PCDH10: variants seen among roughly 807,000 people sequenced by gnomAD.
PCDH10 encodes protocadherin-10.
PCDH10 carries 15 observed loss-of-function variants against 74.4 expected under a neutral mutation model. The ratio of observed to expected loss-of-function variants is 0.20; its 90% CI spans 0.13 to 0.31. The LOEUF (loss-of-function observed/expected upper bound fraction) is 0.31. PCDH10 is among the 10% of genes least tolerant of loss of function. PCDH10 has a pLI of 1.00. For synonymous variants in PCDH10, 619 were observed against 589.8 expected, an observed-to-expected ratio of 1.05 and a Z score of -0.72; for missense variants, 1,260 against 1,390.2, an observed-to-expected ratio of 0.91 and a Z score of 1.49.
chr4:133,195,588 C>T (rs142859069), downstream of PCDH10, among the ~76,000 whole-genome samples: 56 of 151,834 alleles, frequency 3.7e-4, 1 homozygote, highest in East Asian at 2.9e-3. Flanking sequence ...TCTAACAGTG[C>T]GAGAAAGTAA....
chr4:133,154,830 A>G (rs1726829571), intron 2 of PCDH10, 87 bp from the exon 3 acceptor site: 3 of 911,486 alleles, frequency 3.3e-6, no homozygotes, highest in Admixed American at 3.8e-5. Context: ...AGTCTGCAGC[A>G]CCATCTGTGA....
chr4:133,207,277 C>A (rs756485255), intron 2 of PCDH10, among the ~76,000 whole-genome samples: 2 of 151,716 alleles, frequency 1.3e-5, no homozygotes, highest in Non-Finnish European at 2.9e-5. Context: ...GTTTATTTAC[C>A]ATATTACTCT....
At chr4:133,156,390 C>A (rs1449022793) in intron 3 of PCDH10, among the ~76,000 whole-genome samples, 3 of 152,226 alleles carry the variant, frequency 2.0e-5, no homozygotes. Flanking sequence ...CCAAGAATCC[C>A]CGGAGGTCTC....
intron 4 of PCDH10, among the ~76,000 whole-genome samples, chr4:133,188,524 G>A (rs988413601): frequency 2.0e-5 from 3 of 151,780 alleles, no homozygotes; most frequent in Non-Finnish European, 4.4e-5. Context: ...ATATTGTATC[G>A]AATTCATTTT....
At chr4:133,154,479 G>A in intron 2 of PCDH10, 114 bp downstream of exon 2, 2 of 608,124 alleles carry the variant, frequency 3.3e-6, no homozygotes, top group South Asian at 2.4e-5. Context: ...TTTCAATTAA[G>A]GCAGGACATA....
In PCDH10 at chr4:133,149,624, T is replaced by C. The variant is rs776137076; in HGVS notation, c.-517T>C. On this transcript the variant is annotated 5_prime_UTR_variant, in exon 1 of 5. Transcript: ENST00000264360. Reference sequence around the variant, plus strand: ...AATTATATCGCTGATTTTAAGCCCTTTTGCATTTGCCAGCCGTTGACATTA... The same window carrying C: ...AATTATATCGCTGATTTTAAGCCCTCTTGCATTTGCCAGCCGTTGACATTA... The C allele has an allele frequency of 2.0e-5, 3 of 152,918 alleles. No individual in the cohort carries two copies. Among genetic ancestry groups the C allele is most frequent in the Non-Finnish European group, 4.4e-5 (3 of 68,474 alleles). 9.5% of individuals were successfully genotyped at this position (152,918 alleles called of 1,614,324 possible).
At chr4:133,165,446 C>G (rs1387760777) in intron 4 of PCDH10, among the ~76,000 whole-genome samples, 1 of 151,486 alleles carries the variant, frequency 6.6e-6, no homozygotes, top group Non-Finnish European at 1.5e-5. Context: ...AAAACTATTC[C>G]TGACCATTTT....
intron 4 of PCDH10, among the ~76,000 whole-genome samples, chr4:133,174,141 A>C (rs1420292024): frequency 6.6e-6 from 1 of 152,096 alleles, no homozygotes; most frequent in African/African-American, 2.4e-5. Flanking sequence ...GGCAGTTAGT[A>C]TAGAACAGCT....
chr4:133,163,454 C>T (rs926435449), intron 4 of PCDH10, among the ~76,000 whole-genome samples, 172 bp downstream of exon 4: 5 of 151,972 alleles, frequency 3.3e-5, no homozygotes, highest in Admixed American at 3.3e-4. Flanking sequence ...ATAATAGATT[C>T]CTCTAACATT....
chr4:133,163,331 A>C (rs1727013358), intron 4 of PCDH10, 49 bp downstream of exon 4: 1 of 1,450,546 alleles, frequency 6.9e-7, no homozygotes, highest in Admixed American at 2.2e-5. Context: ...TTGAGGAGAT[A>C]AAGTTCAACA....
chr4:133,186,656 G>T (rs1030312498), intron 4 of PCDH10, among the ~76,000 whole-genome samples: 1 of 151,884 alleles, frequency 6.6e-6, no homozygotes, highest in African/African-American at 2.4e-5. Flanking sequence ...TTGTGGGGAG[G>T]GTCAGATAAT....
At chr4:133,157,840 C>A (rs2125861298) in intron 3 of PCDH10, among the ~76,000 whole-genome samples, 1 of 151,492 alleles carries the variant, frequency 6.6e-6, no homozygotes, top group East Asian at 1.9e-4. Flanking sequence ...TCTTGCTTTT[C>A]TTTTTTCTAA....
chr4:133,154,731 A>G (rs964109120), intron 2 of PCDH10, among the ~76,000 whole-genome samples, 186 bp from the exon 3 acceptor site: 14 of 152,292 alleles, frequency 9.2e-5, no homozygotes, highest in African/African-American at 3.4e-4. Flanking sequence ...AGTGCTCAAA[A>G]TGACTGTTAA....
intron 3 of PCDH10, among the ~76,000 whole-genome samples, chr4:133,162,191 C>T (rs1008441443): frequency 1.3e-5 from 2 of 152,080 alleles, no homozygotes; most frequent in Admixed American, 6.6e-5. Context: ...CAAGTAATAA[C>T]GTATTTGTCA....
chr4:133,163,201 G>C lies in PCDH10; in HGVS notation c.3022G>C (p.Ala1008Pro). The C allele has an allele frequency of 6.2e-7, 1 of 1,614,126 alleles. No individual in the cohort carries two copies. The highest frequency in any genetic ancestry group is 8.5e-7 in the Non-Finnish European group (1 of 1,180,022). The change falls in exon 4 of 5, where the codon GCC becomes CCC. Residue 1008 changes from alanine (A) to proline (P), a missense_variant. By Grantham distance (27) the Ala-to-Pro change is conservative (BLOSUM62 -1). This residue lies in a region of PCDH10 where 136 missense variants were observed against 149.3 expected (regional missense o/e 0.91). Coordinates refer to ENST00000264360, the MANE Select transcript of PCDH10 (RefSeq NM_032961.3). ...RSFSTFGKEK[A>P]LHSTLERKEL... ...CTTTTCCACCTTTGGCAAAGAGAAG[G>C]CCCTTCACAGCACTCTGGAGAGGAA...
intron 4 of PCDH10, among the ~76,000 whole-genome samples, chr4:133,183,455 A>G (rs1236650956): frequency 2.0e-5 from 3 of 152,142 alleles, no homozygotes; most frequent in Non-Finnish European, 4.4e-5. Context: ...TGTCATACAA[A>G]GCTATGTGAG....
intron 4 of PCDH10, among the ~76,000 whole-genome samples, chr4:133,172,498 A>G (rs1477098734): frequency 6.6e-6 from 1 of 151,976 alleles, no homozygotes; most frequent in Non-Finnish European, 1.5e-5. Flanking sequence ...AGAAATGTTT[A>G]CAAAATGAGT....
Position 133,193,754 on chromosome 4 carries a change from T to C in PCDH10, c.*3594T>C, listed in dbSNP as rs1183063239. On this transcript the variant is annotated 3_prime_UTR_variant, in exon 5 of 5. Coordinates refer to ENST00000264360, the MANE Select transcript of PCDH10 (RefSeq NM_032961.3). ...AAGGAACTCAAAAATACTTAAAATATTGGTATACTTGATGATTTTTCTGAA... is the reference window on the plus strand; with the variant it reads ...AAGGAACTCAAAAATACTTAAAATACTGGTATACTTGATGATTTTTCTGAA... 1 of 151,668 alleles carries C rather than the reference T, an allele frequency of 6.6e-6. No individual in the cohort carries two copies. 9.4% of individuals were successfully genotyped at this position (151,668 alleles called of 1,614,324 possible).
At chr4:133,154,031 G>A (rs1183235849) in intron 1 of PCDH10, 4 of 383,102 alleles carry the variant, frequency 1.0e-5, no homozygotes, top group Non-Finnish European at 1.4e-5. Flanking sequence ...CTAGCCATGA[G>A]GTCATTTGCA....
Sources: allele counts gnomAD v4.1 joint callset (sites outside exome capture counted in the v4.1 genomes callset), GRCh38; gene constraint gnomAD v4.1.1; regional missense constraint gnomAD v4.1.1; transcripts MANE v1.5; gene names NCBI Gene and HGNC (gene_info 2026-07-23, HGNC 2026-07-21).